Variants in CPQ observed in about 807,000 individuals in gnomAD.
CPQ encodes carboxypeptidase Q.
A neutral mutation model predicts 45.7 loss-of-function variants in CPQ; 37 were observed. The observed-to-expected ratio is 0.81, with a 90% CI of 0.62 to 1.07. CPQ has a LOEUF of 1.07. Among genes scored for constraint, CPQ ranks in the 50% least tolerant of loss-of-function variants. CPQ has a pLI of 0.00. For missense variants in CPQ, 537 were observed against 572.9 expected (o/e 0.94, Z 0.64); for synonymous variants, 186 against 205.8 (o/e 0.90, Z 0.82).
At chr8:96,663,187 G>T (rs1431922301) in intron 1 of CPQ, among the ~76,000 whole-genome samples, 1 of 152,144 alleles carries the variant, frequency 6.6e-6, no homozygotes, top group Admixed American at 6.5e-5. Flanking sequence ...AATTTACAAG[G>T]CTCAGAGAGC....
chr8:96,683,332 A>G (rs1214376716), intron 1 of CPQ, among the ~76,000 whole-genome samples: 1 of 152,194 alleles, frequency 6.6e-6, no homozygotes, highest in Non-Finnish European at 1.5e-5. Flanking sequence ...CTTTGAATAT[A>G]TCATTCCATT....
chr8:96,778,341 T>A (rs1299875685), intron 1 of CPQ, among the ~76,000 whole-genome samples: 1 of 152,116 alleles, frequency 6.6e-6, no homozygotes, highest in African/African-American at 2.4e-5. Context: ...CTAAAAACAA[T>A]AATAATAAAA....
chr8:96,888,063 A>C (rs1812326621), intron 4 of CPQ, among the ~76,000 whole-genome samples: 1 of 152,134 alleles, frequency 6.6e-6, no homozygotes, highest in South Asian at 2.1e-4. Flanking sequence ...TGGATCAGAT[A>C]ATTCTTTGTT....
intron 7 of CPQ, among the ~76,000 whole-genome samples, chr8:97,123,507 C>T (rs189503389): frequency 2.0e-5 from 3 of 150,618 alleles, no homozygotes; most frequent in Non-Finnish European, 3.0e-5. Context: ...GCTAGAGCAA[C>T]CATTTTTAAA....
chr8:97,101,454 A>G (rs1044787148), intron 7 of CPQ, among the ~76,000 whole-genome samples: 3 of 151,676 alleles, frequency 2.0e-5, no homozygotes, highest in Admixed American at 2.0e-4. Context: ...TATACTATAT[A>G]TGTAGAAGAT....
chr8:96,740,844 G>A (rs1212470324), intron 1 of CPQ, among the ~76,000 whole-genome samples: 2 of 152,108 alleles, frequency 1.3e-5, no homozygotes, highest in Non-Finnish European at 2.9e-5. Flanking sequence ...GCTTTTTGAG[G>A]TGCTGCTGGA....
At chr8:96,939,318 G>A (rs1813094714) in intron 4 of CPQ, among the ~76,000 whole-genome samples, 1 of 152,146 alleles carries the variant, frequency 6.6e-6, no homozygotes, top group Non-Finnish European at 1.5e-5. Flanking sequence ...CTGACAGGAG[G>A]CAGAGCTCAG....
At chr8:96,714,196 A>G (rs1158902207) in intron 1 of CPQ, among the ~76,000 whole-genome samples, 1 of 152,220 alleles carries the variant, frequency 6.6e-6, no homozygotes, top group Non-Finnish European at 1.5e-5. Flanking sequence ...AGCAAGGCCA[A>G]GGAACTTTTC....
At chr8:96,699,975 G>C (rs1054607466) in intron 1 of CPQ, among the ~76,000 whole-genome samples, 3 of 152,130 alleles carry the variant, frequency 2.0e-5, no homozygotes, top group African/African-American at 7.2e-5. Flanking sequence ...TCCCTTTCCC[G>C]TGGGGGCTTC....
At chr8:96,820,343 T>A (rs1811283723) in intron 2 of CPQ, among the ~76,000 whole-genome samples, 1 of 152,028 alleles carries the variant, frequency 6.6e-6, no homozygotes, top group South Asian at 2.1e-4. Context: ...ATGGGGGCTC[T>A]TTTTCAAAAA....
At chr8:96,925,171 A>G (rs1025302076) in intron 4 of CPQ, among the ~76,000 whole-genome samples, 1 of 152,200 alleles carries the variant, frequency 6.6e-6, no homozygotes, top group Admixed American at 6.5e-5. Flanking sequence ...GAATGCAAGA[A>G]TGCCTCTCTT....
At chr8:96,950,306 G>T (rs1461616266) in intron 4 of CPQ, among the ~76,000 whole-genome samples, 1 of 152,048 alleles carries the variant, frequency 6.6e-6, no homozygotes, top group South Asian at 2.1e-4. Flanking sequence ...ACATAATATT[G>T]TTTTCTTTAA....
At chr8:96,962,903 T>C (rs911730244) in intron 4 of CPQ, among the ~76,000 whole-genome samples, 31 of 152,070 alleles carry the variant, frequency 2.0e-4, no homozygotes, top group Non-Finnish European at 4.1e-4. Context: ...AGTTTTTTTT[T>C]CTGATTTAAA....
intron 1 of CPQ, among the ~76,000 whole-genome samples, chr8:96,726,703 A>G (rs531022075): frequency 1.3e-5 from 2 of 152,226 alleles, no homozygotes; most frequent in East Asian, 1.9e-4. Context: ...ACCTCCAACA[A>G]TAGCGATTAC....
Position 96,966,035 on chromosome 8 carries a change from T to C in CPQ, c.950T>C (p.Ile317Thr). 6.2e-7 allele frequency: 1 copy of C among 1,610,368 alleles called. No individual in the cohort carries two copies. Among genetic ancestry groups the C allele is most frequent in the Non-Finnish European group, 8.5e-7 (1 of 1,177,650 alleles). Residue 317 changes from isoleucine (I) to threonine (T), a missense_variant, in exon 5 of 8, where the codon ATT (isoleucine) becomes ACT (threonine). By Grantham distance (89) the Ile-to-Thr change is moderately conservative (BLOSUM62 -1). Transcript: ENST00000220763. ...AFISWEALSL[I>T]KDLGLRPKRT... is the part of the protein sequence containing the mutation. ...ATATCATGGGAAGCACTCTCACTTA[T>C]TAAAGATCTTGGTAAATATTTAGAA... is the stretch of plus-strand genomic sequence containing the variant.
At chr8:96,974,974 C>T (rs12547473) in intron 5 of CPQ, among the ~76,000 whole-genome samples, 6,886 of 151,644 alleles carry the variant, frequency 0.045, 232 homozygotes, top group East Asian at 0.084. Flanking sequence ...CAAGAACAAT[C>T]GAAACCCAAA....
intron 4 of CPQ, among the ~76,000 whole-genome samples, chr8:96,941,161 A>G (rs1319188598): frequency 6.6e-6 from 1 of 152,116 alleles, no homozygotes; most frequent in South Asian, 2.1e-4. Flanking sequence ...GAATGTGGGT[A>G]CTACATGGAG....
intron 5 of CPQ, among the ~76,000 whole-genome samples, chr8:97,016,956 G>A (rs1462812822): frequency 1.3e-5 from 2 of 151,828 alleles, no homozygotes; most frequent in Non-Finnish European, 2.9e-5. Context: ...GACTTGCATT[G>A]TGAACTTTTA....
intron 3 of CPQ, among the ~76,000 whole-genome samples, chr8:96,860,819 G>A (rs919340431): frequency 6.6e-6 from 1 of 151,988 alleles, no homozygotes; most frequent in Non-Finnish European, 1.5e-5. Flanking sequence ...CTTTTCAATG[G>A]CTTACCTTTA....
Sources: gnomAD v4.1 joint callset for allele counts (sites outside exome capture counted in the v4.1 genomes callset) on GRCh38, gnomAD v4.1.1 for gene constraint, MANE v1.5 for transcripts, NCBI Gene and HGNC (gene_info 2026-07-23, HGNC 2026-07-21) for gene names.